Variants in IMPA2 observed in about 807,000 individuals in gnomAD.
IMPA2 encodes IMP 2.
In IMPA2, 32 loss-of-function variants were observed where a neutral mutation model predicts 35.1. That is an observed-to-expected ratio of 0.91 (90% CI 0.69 to 1.23). IMPA2 has a LOEUF of 1.23. Among genes scored for constraint, IMPA2 ranks in the 50% most tolerant of loss-of-function variants. The probability of loss-of-function intolerance (pLI) is 0.00; values close to 1 mark genes in which losing one functional copy is unlikely to be tolerated. For synonymous variants in IMPA2, 135 were observed against 160.6 expected, an observed-to-expected ratio of 0.84 and a Z score of 1.20; for missense variants, 334 against 387.6, an observed-to-expected ratio of 0.86 and a Z score of 1.16.
chr18:11,982,031 G>A (rs1014077411), intron 1 of IMPA2, among the ~76,000 whole-genome samples: 5 of 152,246 alleles, frequency 3.3e-5, no homozygotes, highest in Admixed American at 3.3e-4. Context: ...GTTTGAGTGA[G>A]TGGTCAGAAT....
chr18:12,027,590 T>TTA (rs1555647332), intron 5 of IMPA2, among the ~76,000 whole-genome samples: 28,427 of 128,382 alleles, frequency 0.22, 4,670 homozygotes, highest in East Asian at 0.67. Context: ...TTTTTTTTTT[T>TTA]AAAGAAACAG....
At chr18:11,986,047 C>T (rs1906656262) in intron 1 of IMPA2, among the ~76,000 whole-genome samples, 1 of 152,152 alleles carries the variant, frequency 6.6e-6, no homozygotes, top group Non-Finnish European at 1.5e-5. Flanking sequence ...GATGCTTAAG[C>T]GTCATTAGCT....
chr18:12,007,696 TCCTTTCTTC>T (rs1388271115), intron 2 of IMPA2, among the ~76,000 whole-genome samples: 8 of 139,910 alleles, frequency 5.7e-5, no homozygotes, highest in Non-Finnish European at 7.8e-5. Flanking sequence ...TTCCTTTCTT[TCCTTTCTTC>T]CCTCCTTCCC....
At chr18:11,986,755 G>A (rs1906678034) in intron 1 of IMPA2, among the ~76,000 whole-genome samples, 1 of 152,152 alleles carries the variant, frequency 6.6e-6, no homozygotes, top group Non-Finnish European at 1.5e-5. Flanking sequence ...TTTTCTGAGA[G>A]TTACACCCAT....
intron 4 of IMPA2, 65 bp downstream of exon 4, chr18:12,012,280 G>A (rs563338219): frequency 7.6e-5 from 105 of 1,382,206 alleles, no homozygotes; most frequent in Non-Finnish European, 9.2e-5. Context: ...CTTCCTTTCT[G>A]GCTTCAGCCT....
chr18:11,984,566 G>A (rs1439402091), intron 1 of IMPA2, among the ~76,000 whole-genome samples: 1 of 152,238 alleles, frequency 6.6e-6, no homozygotes, highest in South Asian at 2.1e-4. Flanking sequence ...TTTGCCAGAT[G>A]TGGTGGCTGA....
intron 2 of IMPA2, among the ~76,000 whole-genome samples, chr18:12,001,038 G>C (rs1907103074): frequency 6.6e-6 from 1 of 151,496 alleles, no homozygotes; most frequent in African/African-American, 2.4e-5. Context: ...AGACCAGCCT[G>C]AACAACATGG....
rs372566076 is a variant in IMPA2, at chr18:12,012,219, C to A, written c.381+4C>A. On this transcript the variant is annotated splice_donor_region_variant and intron_variant, in intron 4 of 7. Transcript: ENST00000269159. ...TGGATTTGCTGTTCGACAAGAGGTG[C>A]GGGTGTGGCCCAGGTCCCCAGGGCC... 1 of 1,613,716 alleles carries A rather than the reference C, an allele frequency of 6.2e-7. No homozygotes were observed. The highest frequency in any genetic ancestry group is 1.3e-5 in the African/African-American group (1 of 75,054).
At chr18:12,007,604 C>T (rs867960022) in intron 2 of IMPA2, among the ~76,000 whole-genome samples, 9 of 134,606 alleles carry the variant, frequency 6.7e-5, no homozygotes, top group South Asian at 2.4e-4. Flanking sequence ...TTCTTTCTTT[C>T]TCTTTCTTTC....
Position 11,989,096 on chromosome 18 carries a change from A to T in IMPA2, c.96+7331A>T, listed in dbSNP as rs548057475. 1.1e-4 allele frequency among the ~76,000 whole-genome samples: 16 copies of T among 152,182 alleles called. No homozygotes were observed. The East Asian group carries it at 2.9e-3, about 28-fold the overall frequency. ...CAGTGTGGAAGTCATATTCCTGGAGATGGTATTTAGGGCCATGTCCCGGAC... is the reference window on the plus strand; with the variant it reads ...CAGTGTGGAAGTCATATTCCTGGAGTTGGTATTTAGGGCCATGTCCCGGAC... On this transcript the variant is annotated intron_variant, in intron 1 of 7. Coordinates refer to ENST00000269159, the MANE Select transcript of IMPA2 (RefSeq NM_014214.3).
chr18:11,989,820 G>A (rs1378459145), intron 1 of IMPA2, among the ~76,000 whole-genome samples: 5 of 152,092 alleles, frequency 3.3e-5, no homozygotes, highest in African/African-American at 7.2e-5. Flanking sequence ...CCAATGAAGC[G>A]CTGCCCAGGG....
rs914815527 is a variant in IMPA2 at position 11,981,847 on chromosome 18, T to C, written c.96+82T>C. 1.4e-5 allele frequency: 14 copies of C among 982,368 alleles called. No individual in the cohort carries two copies. In the Admixed American group the frequency reaches 3.1e-4, roughly 21 times the overall value. 60.9% of individuals were successfully genotyped at this position (982,368 alleles called of 1,614,324 possible). ...GGAGCCGCCTGGAGTGGCGGGGTCC[T>C]GGCGCGCAGCCGGCGGGCGCCCAGG... is the stretch of plus-strand genomic sequence containing the variant. On this transcript the variant is annotated intron_variant, in intron 1 of 7. Transcript: ENST00000269159.
At position 11,999,506 on chromosome 18, in the gene IMPA2, C is replaced by A. The variant is rs552181613; in HGVS notation, c.230+319C>A. Among the ~76,000 whole-genome samples, 4 of 152,366 alleles carry A rather than the reference C, an allele frequency of 2.6e-5. No homozygotes were observed. In the South Asian group the frequency reaches 8.3e-4, roughly 32 times the overall value. On this transcript the variant is annotated intron_variant, in intron 2 of 7. Transcript: ENST00000269159. The stretch of plus-strand genomic sequence containing the variant: ...AACCATTTGTTATTTCTGGAAGGAC[C>A]CACTAGAAGTGTGACCCACCCTAAG...
chr18:12,021,180 G>A (rs942906791), intron 5 of IMPA2, among the ~76,000 whole-genome samples: 1 of 152,126 alleles, frequency 6.6e-6, no homozygotes, highest in African/African-American at 2.4e-5. Context: ...TCACTTGAGA[G>A]CAGAAGTTTG....
chr18:12,014,434 C>A (rs1907522754), intron 5 of IMPA2, 61 bp downstream of exon 5: 2 of 1,039,754 alleles, frequency 1.9e-6, no homozygotes, highest in South Asian at 1.6e-5. Context: ...AGGAGAATGC[C>A]AAAGCCACCA....
intron 1 of IMPA2, among the ~76,000 whole-genome samples, chr18:11,985,573 A>G (rs1224146125): frequency 6.6e-6 from 1 of 152,192 alleles, no homozygotes; most frequent in Non-Finnish European, 1.5e-5. Flanking sequence ...CATTAGTTGT[A>G]AGTGAGTCTG....
intron 6 of IMPA2, chr18:12,028,467 A>G: frequency 2.3e-6 from 1 of 440,232 alleles, no homozygotes; most frequent in Non-Finnish European, 4.1e-6. Context: ...AGACAGGTTT[A>G]TCAAAGCCCA....
intron 1 of IMPA2, among the ~76,000 whole-genome samples, chr18:11,990,051 A>G (rs909711554): frequency 1.3e-5 from 2 of 151,956 alleles, no homozygotes; most frequent in Non-Finnish European, 2.9e-5. Context: ...CCCAGTGGAG[A>G]CAGGAGCCTG....
chr18:12,002,837 C>T (rs1241240004), intron 2 of IMPA2, among the ~76,000 whole-genome samples: 6 of 151,540 alleles, frequency 4.0e-5, no homozygotes, highest in African/African-American at 7.3e-5. Flanking sequence ...TTGATGCAGC[C>T]GCTATGAAAA....
Sources: gnomAD v4.1 joint callset for allele counts (sites outside exome capture counted in the v4.1 genomes callset) on GRCh38, gnomAD v4.1.1 for gene constraint, MANE v1.5 for transcripts, NCBI Gene and HGNC (gene_info 2026-07-23, HGNC 2026-07-21) for gene names.